Variants in LRRC69 observed in about 807,000 individuals in gnomAD.
LRRC69 encodes leucine-rich repeat-containing protein 69.
A neutral mutation model predicts 37.8 loss-of-function variants in LRRC69; 42 were observed. That is an observed-to-expected ratio of 1.11 (90% CI 0.87 to 1.44). The LOEUF is 1.44. LRRC69 is among the 40% of genes most tolerant of loss of function. The pLI, the probability that LRRC69 is intolerant of heterozygous loss-of-function variation, is 0.00. For missense variants in LRRC69, 357 were observed against 401.9 expected, an observed-to-expected ratio of 0.89 and a Z score of 0.96; for synonymous variants, 141 against 143.1, an observed-to-expected ratio of 0.99 and a Z score of 0.11.
chr8:91,184,041 G>A (rs917433810), intron 5 of LRRC69, among the ~76,000 whole-genome samples: 2 of 152,092 alleles, frequency 1.3e-5, no homozygotes, highest in African/African-American at 2.4e-5. Context: ...CAGCACTTTC[G>A]GAGGTCGAAT....
chr8:91,162,307 T>C (rs537805675), intron 5 of LRRC69, among the ~76,000 whole-genome samples: 1 of 151,528 alleles, frequency 6.6e-6, no homozygotes, highest in South Asian at 2.1e-4. Flanking sequence ...TGTTTCTTCA[T>C]TGATTTTCTG....
chr8:91,162,017 G>C (rs1223314368), intron 5 of LRRC69, among the ~76,000 whole-genome samples: 1 of 151,206 alleles, frequency 6.6e-6, no homozygotes, highest in African/African-American at 2.4e-5. Context: ...ATTCACCTTT[G>C]GTGACTCAGG....
chr8:91,145,885 CTT>C (rs1393802863), intron 5 of LRRC69, among the ~76,000 whole-genome samples: 2 of 151,790 alleles, frequency 1.3e-5, no homozygotes, highest in African/African-American at 4.8e-5. Flanking sequence ...ATGGGGTAGA[CTT>C]TTTGAAATGA....
intron 6 of LRRC69, among the ~76,000 whole-genome samples, chr8:91,190,345 T>G (rs1025847073): frequency 2.6e-5 from 4 of 151,706 alleles, no homozygotes; most frequent in African/African-American, 9.7e-5. Context: ...AGATGAGCAA[T>G]GGAGAAAATC....
intron 5 of LRRC69, among the ~76,000 whole-genome samples, chr8:91,167,442 A>C (rs1809050055): frequency 6.6e-6 from 1 of 151,792 alleles, no homozygotes; most frequent in Non-Finnish European, 1.5e-5. Flanking sequence ...CTCCGACAAC[A>C]CATGGAAATT....
chr8:91,150,524 A>G (rs934535884), intron 5 of LRRC69, among the ~76,000 whole-genome samples: 2 of 152,006 alleles, frequency 1.3e-5, no homozygotes, highest in Non-Finnish European at 2.9e-5. Context: ...AATGTTCATC[A>G]GGGATATTGG....
At chr8:91,191,773 G>A (rs951692234) in intron 6 of LRRC69, among the ~76,000 whole-genome samples, 1 of 152,180 alleles carries the variant, frequency 6.6e-6, no homozygotes, top group African/African-American at 2.4e-5. Context: ...TTGTCTGTGA[G>A]GGTGGTGAAT....
chr8:91,136,559 T>A (rs1398008805), intron 5 of LRRC69, among the ~76,000 whole-genome samples: 2 of 152,022 alleles, frequency 1.3e-5, no homozygotes. Flanking sequence ...TAGTCCACGG[T>A]ACTAAGTACT....
At chr8:91,147,772 C>G (rs948278409) in intron 5 of LRRC69, among the ~76,000 whole-genome samples, 12 of 151,676 alleles carry the variant, frequency 7.9e-5, no homozygotes, top group Admixed American at 2.0e-4. Context: ...ATAGGTAAAC[C>G]TGTGCCATGG....
At chr8:91,146,150 T>C (rs1316004067) in intron 5 of LRRC69, among the ~76,000 whole-genome samples, 1 of 151,698 alleles carries the variant, frequency 6.6e-6, no homozygotes, top group Admixed American at 6.6e-5. Flanking sequence ...GGTATAGTGG[T>C]TGGTGAACAG....
chr8:91,124,802 A>T (rs1485822087), intron 2 of LRRC69, 183 bp downstream of exon 2: 3 of 485,868 alleles, frequency 6.2e-6, no homozygotes, highest in Admixed American at 4.2e-5. Flanking sequence ...TCATATGTTT[A>T]TTTACATGTA....
At chr8:91,155,597 C>G (rs1429182733) in intron 5 of LRRC69, among the ~76,000 whole-genome samples, 1 of 150,688 alleles carries the variant, frequency 6.6e-6, no homozygotes, top group Admixed American at 6.7e-5. Context: ...TTTCTCCTCT[C>G]TAGCTGTAAT....
At chr8:91,177,401 C>T (rs1809250613) in intron 5 of LRRC69, among the ~76,000 whole-genome samples, 1 of 151,240 alleles carries the variant, frequency 6.6e-6, no homozygotes, top group African/African-American at 2.5e-5. Context: ...GGCAAATATT[C>T]AATAGACTAT....
Position 91,147,251 on chromosome 8 carries a change from A to ATATATATTATATATAAACATATAT in LRRC69, c.651+11520_651+11543dup, listed in dbSNP as rs1303337815. On this transcript the variant is annotated intron_variant, in intron 5 of 7. Coordinates refer to ENST00000448384, the Ensembl canonical transcript of LRRC69. Reference sequence around the variant, plus strand: ...TAGCTATATTATATATAAACATATAATATATATTATATATAAACATATATT... The same window carrying ATATATATTATATATAAACATATAT: ...TAGCTATATTATATATAAACATATAATATATATTATATATAAACATATATTATATATTATATATAAACATATATT... Among the ~76,000 whole-genome samples the ATATATATTATATATAAACATATAT allele has an allele frequency of 6.4e-3, 639 of 99,774 alleles. 4 individuals carry two copies. The highest frequency in any genetic ancestry group is 0.025 in the African/African-American group (590 of 23,424). The allele number at this position is 99,774 out of a possible 152,430, so 65.5% of individuals were successfully genotyped here.
chr8:91,182,839 AT>A (rs1470488961), intron 5 of LRRC69, among the ~76,000 whole-genome samples: 3 of 152,212 alleles, frequency 2.0e-5, no homozygotes, highest in African/African-American at 7.2e-5. Flanking sequence ...AATAATTAAC[AT>A]TTTAAATGTA....
At chr8:91,115,199 TCATA>T (rs1813490216) in intron 1 of LRRC69, among the ~76,000 whole-genome samples, 2 of 152,050 alleles carry the variant, frequency 1.3e-5, no homozygotes, top group African/African-American at 4.8e-5. Flanking sequence ...AGTGTTCTGA[TCATA>T]CATACGCACA....
intron 6 of LRRC69, among the ~76,000 whole-genome samples, chr8:91,198,553 G>A (rs1308865271): frequency 7.1e-6 from 1 of 139,864 alleles, no homozygotes; most frequent in East Asian, 2.0e-4. Flanking sequence ...ATTTTTATGT[G>A]TATAATTTAA....
At chr8:91,205,003 T>G (rs935381897) in intron 7 of LRRC69, among the ~76,000 whole-genome samples, 2 of 152,228 alleles carry the variant, frequency 1.3e-5, no homozygotes, top group Non-Finnish European at 1.5e-5. Context: ...TCCATTGGCC[T>G]TATCTGTTAC....
intron 6 of LRRC69, among the ~76,000 whole-genome samples, chr8:91,199,242 A>G (rs1586283013): frequency 6.6e-6 from 1 of 152,212 alleles, no homozygotes; most frequent in East Asian, 1.9e-4. Context: ...AGTTGGAGAA[A>G]GGGTGAAAAT....
Sources: allele counts gnomAD v4.1 joint callset (sites outside exome capture counted in the v4.1 genomes callset), GRCh38; gene constraint gnomAD v4.1.1; transcripts MANE v1.5; gene names NCBI Gene and HGNC (gene_info 2026-07-23, HGNC 2026-07-21).